The following WDR26 variants were observed in gnomAD, a reference collection of about 807,000 sequenced individuals.
The protein encoded by WDR26 is WD repeat domain 26, also known as WD repeat-containing protein 26.
WDR26 carries 5 observed loss-of-function variants against 84.1 expected under a neutral mutation model. The observed-to-expected ratio is 0.06, with a 90% CI of 0.03 to 0.13. WDR26 has a LOEUF of 0.13. Ranked by LOEUF, WDR26 falls within the 10% of genes least tolerant of loss-of-function variation. The pLI is 1.00. For missense variants in WDR26, 642 were observed against 974.9 expected, an observed-to-expected ratio of 0.66 and a Z score of 4.55; for synonymous variants, 415 against 389.6, an observed-to-expected ratio of 1.07 and a Z score of -0.77.
At chr1:224,410,444 T>C (rs573539121) in intron 7 of WDR26, among the ~76,000 whole-genome samples, 1 of 152,168 alleles carries the variant, frequency 6.6e-6, no homozygotes, top group East Asian at 1.9e-4. Flanking sequence ...AAAATACTTA[T>C]TACCCACAAC....
Position 224,412,014 on chromosome 1 carries a change from C to T in WDR26, c.1320-449G>A, listed in dbSNP as rs574591512. On this transcript the variant is annotated intron_variant, in intron 6 of 13. Transcript: ENST00000414423. ...GAGATCATTTCAAAAAACAAACAAACCAAAACCAAAATCAGAATAGGCTCC... is the reference window on the plus strand; with the variant it reads ...GAGATCATTTCAAAAAACAAACAAATCAAAACCAAAATCAGAATAGGCTCC... Among the ~76,000 whole-genome samples the T allele has an allele frequency of 3.9e-5, 6 of 152,128 alleles. No individual in the cohort carries two copies. In the South Asian group the frequency reaches 8.3e-4, roughly 21 times the overall value.
In WDR26 at chr1:224,387,338, C is replaced by G. The variant is rs566360465; in HGVS notation, c.*2497G>C. On this transcript the variant is annotated 3_prime_UTR_variant, in exon 14 of 14. Transcript: ENST00000414423. ...CTTCTTTACCATTGATTTCACCTTT[C>G]GAGCACAGTCACTGCATGGCAAATG... The G allele has an allele frequency of 1.3e-5, 2 of 152,520 alleles. No homozygotes were observed. Among genetic ancestry groups the G allele is most frequent in the African/African-American group, 2.4e-5 (1 of 41,400 alleles). 9.4% of individuals were successfully genotyped at this position (152,520 alleles called of 1,614,324 possible).
At chr1:224,401,198 T>G (rs1673403181) in intron 8 of WDR26, 129 bp from the exon 9 acceptor site, 1 of 871,256 alleles carries the variant, frequency 1.1e-6, no homozygotes. Context: ...ATGAATTAAG[T>G]GACCCTACAA....
intron 7 of WDR26, among the ~76,000 whole-genome samples, chr1:224,409,963 G>C (rs1673688343): frequency 6.6e-6 from 1 of 151,852 alleles, no homozygotes; most frequent in Admixed American, 6.6e-5. Flanking sequence ...TGAGCTAATA[G>C]CATATTTTAA....
intron 13 of WDR26, among the ~76,000 whole-genome samples, chr1:224,391,409 T>C (rs1339965153): frequency 6.6e-6 from 1 of 151,980 alleles, no homozygotes; most frequent in Non-Finnish European, 1.5e-5. Flanking sequence ...AATTCTACTG[T>C]TAAAATTTTA....
rs1231550053 is a variant in WDR26, at chr1:224,385,413, A to G, written c.*4422T>C. On this transcript the variant is annotated 3_prime_UTR_variant, in exon 14 of 14. Transcript: ENST00000414423. ...ACCTGAAGTTTTTATACTTTAATGA[A>G]TAAAGCAAAGAAATTTAAACTAAGT... 2.6e-5 allele frequency: 4 copies of G among 152,458 alleles called. No individual in the cohort carries two copies. Among genetic ancestry groups the G allele is most frequent in the Non-Finnish European group, 5.9e-5 (4 of 68,044 alleles). 9.4% of individuals were successfully genotyped at this position (152,458 alleles called of 1,614,324 possible). A position where few individuals can be genotyped will look rare whatever the true frequency, so the allele number is the denominator to read the frequency against.
At position 224,434,781 on chromosome 1, in the gene WDR26, C is replaced by G; in HGVS notation, c.-376G>C. 1 of 986,430 alleles carries G rather than the reference C, an allele frequency of 1.0e-6. No homozygotes were observed. The highest frequency in any genetic ancestry group is 1.2e-6 in the Non-Finnish European group (1 of 830,390). The allele number at this position is 986,430 out of a possible 1,614,324, so 61.1% of individuals were successfully genotyped here. On this transcript the variant is annotated 5_prime_UTR_variant, in exon 1 of 14. Coordinates refer to ENST00000414423, the MANE Select transcript of WDR26 (RefSeq NM_001379403.1). ...TGCTCCCTGGTGTGTTGATTCTTCC[C>G]CCAGCTGCTGCCTAATGGAGTCCAG...
At chr1:224,413,157 C>T in intron 6 of WDR26, 3 of 465,450 alleles carry the variant, frequency 6.4e-6, no homozygotes, top group Non-Finnish European at 9.2e-6. Context: ...CCACTCCACT[C>T]CAGCCTGGGT....
intron 6 of WDR26, among the ~76,000 whole-genome samples, chr1:224,415,208 T>C (rs1176149496): frequency 6.6e-6 from 1 of 152,128 alleles, no homozygotes; most frequent in Non-Finnish European, 1.5e-5. Flanking sequence ...ACTGGGTAGA[T>C]GGTTGCTTTT....
chr1:224,394,183 T>C (rs1305200998), intron 12 of WDR26, among the ~76,000 whole-genome samples, 170 bp from the exon 13 acceptor site: 1 of 152,228 alleles, frequency 6.6e-6, no homozygotes. Flanking sequence ...AAATCAAATA[T>C]ACACTTTTTT....
chr1:224,408,825 G>C (rs16848097), intron 7 of WDR26, among the ~76,000 whole-genome samples: 5,769 of 151,914 alleles, frequency 0.038, 165 homozygotes, highest in East Asian at 0.097. Flanking sequence ...TTATTTCATT[G>C]AATTTTGTTT....
intron 13 of WDR26, among the ~76,000 whole-genome samples, chr1:224,392,714 C>T (rs1198737569): frequency 2.0e-5 from 3 of 152,034 alleles, no homozygotes; most frequent in Non-Finnish European, 4.4e-5. Flanking sequence ...GTGTGCTCTT[C>T]ATGTTTTGTA....
intron 8 of WDR26, among the ~76,000 whole-genome samples, chr1:224,403,156 G>A (rs1025072304): frequency 4.6e-5 from 7 of 151,810 alleles, no homozygotes; most frequent in Non-Finnish European, 8.8e-5. Flanking sequence ...GGGTTCAAGC[G>A]ATTCTCCTGC....
intron 4 of WDR26, 71 bp downstream of exon 4, chr1:224,424,447 T>G: frequency 6.4e-7 from 1 of 1,566,000 alleles, no homozygotes; most frequent in Non-Finnish European, 8.7e-7. Flanking sequence ...GATTTTATAT[T>G]TTGGAAAAAT....
intron 3 of WDR26, among the ~76,000 whole-genome samples, chr1:224,428,739 A>C (rs1479150416): frequency 7.3e-6 from 1 of 136,784 alleles, no homozygotes; most frequent in East Asian, 1.9e-4. Flanking sequence ...TCTACTAAAA[A>C]TACAAAAAAA....
intron 9 of WDR26, 134 bp from the exon 10 acceptor site, chr1:224,399,168 A>C: frequency 1.4e-6 from 1 of 719,260 alleles, no homozygotes; most frequent in Non-Finnish European, 2.1e-6. Context: ...TCTCAACCTA[A>C]TTGTTCTAGA....
chr1:224,431,615 G>A, intron 2 of WDR26, 34 bp from the exon 3 acceptor site: 1 of 1,610,892 alleles, frequency 6.2e-7, no homozygotes, highest in African/African-American at 1.3e-5. Context: ...AAACAGAAAT[G>A]TCACAAAATG....
chr1:224,389,901 G>GGA, intron 13 of WDR26, 41 bp from the exon 14 acceptor site: 1 of 1,026,966 alleles, frequency 9.7e-7, no homozygotes, highest in Non-Finnish European at 1.4e-6. Flanking sequence ...GGCGGGCGGG[G>GGA]GAGGGAAGAG....
intron 7 of WDR26, among the ~76,000 whole-genome samples, chr1:224,410,308 A>C (rs1673701323): frequency 6.6e-6 from 1 of 151,454 alleles, no homozygotes; most frequent in Admixed American, 6.6e-5. Context: ...AAAGAGGAAA[A>C]GAAAAGAAAA....
Sources: gnomAD v4.1 joint callset for allele counts (sites outside exome capture counted in the v4.1 genomes callset) on GRCh38, gnomAD v4.1.1 for gene constraint, MANE v1.5 for transcripts, NCBI Gene and HGNC (gene_info 2026-07-23, HGNC 2026-07-21) for gene names.